GOLT1B: variants seen among roughly 807,000 people sequenced by gnomAD.
The protein encoded by GOLT1B is vesicle transport protein GOT1B.
Under a neutral mutation model 15.4 loss-of-function variants are expected in GOLT1B, and 3 were observed. That is an observed-to-expected ratio of 0.19 (90% CI 0.09 to 0.50). The LOEUF (loss-of-function observed/expected upper bound fraction) is 0.50. Ranked by LOEUF, GOLT1B falls within the 20% of genes least tolerant of loss-of-function variation. The probability of loss-of-function intolerance (pLI) is 0.97; values close to 1 mark genes in which losing one functional copy is unlikely to be tolerated. For synonymous variants in GOLT1B, 65 were observed against 56.2 expected, an observed-to-expected ratio of 1.16 and a Z score of -0.70; for missense variants, 145 against 160.4, an observed-to-expected ratio of 0.90 and a Z score of 0.52.
intron 4 of GOLT1B, 63 bp from the exon 5 acceptor site, chr12:21,515,606 T>C (rs1187600475): frequency 2.4e-6 from 2 of 824,408 alleles, no homozygotes; most frequent in East Asian, 2.5e-5. Context: ...ATTTTAAATA[T>C]TGATATAATG....
At chr12:21,502,004 G>A in intron 1 of GOLT1B, 56 bp downstream of exon 1, 1 of 1,312,448 alleles carries the variant, frequency 7.6e-7, no homozygotes, top group South Asian at 1.2e-5. Context: ...TCGCCCGGCT[G>A]GGTCTCGCCC....
Position 21,516,237 on chromosome 12 carries a change from TG to T in GOLT1B, c.*532del, listed in dbSNP as rs1298765094. 1 of 152,108 alleles carries T rather than the reference TG, an allele frequency of 6.6e-6. No homozygotes were observed. The highest frequency in any genetic ancestry group is 1.9e-4 in the East Asian group (1 of 5,198). 9.4% of individuals were successfully genotyped at this position (152,108 alleles called of 1,614,324 possible). A position where few individuals can be genotyped will look rare whatever the true frequency, so the allele number is the denominator to read the frequency against. ...TATGGATTACTTTTTTTTGTAAACA[TG>T]GTTAAAATAAAACTTTTGTGGTTCT... On this transcript the variant is annotated 3_prime_UTR_variant, in exon 5 of 5. Coordinates refer to ENST00000229314, the MANE Select transcript of GOLT1B (RefSeq NM_016072.5).
Position 21,508,554 on chromosome 12 carries a change from T to C in GOLT1B, c.289T>C (p.Leu97=). 1 of 1,530,714 alleles carries C rather than the reference T, an allele frequency of 6.5e-7. No homozygotes were observed. Among genetic ancestry groups the C allele is most frequent in the Non-Finnish European group, 9.0e-7 (1 of 1,106,554 alleles). 94.8% of individuals were successfully genotyped at this position (1,530,714 alleles called of 1,614,324 possible). The change falls in exon 3 of 5, where the codon TTG becomes CTG. Residue 97 remains leucine (L), a synonymous_variant. Coordinates refer to ENST00000229314, the MANE Select transcript of GOLT1B (RefSeq NM_016072.5). ...MIFEIYGFFL[L]FRGFFPVVVG... is the part of the protein sequence containing the mutation. Reference sequence around the variant, plus strand: ...CTTCGAAATTTATGGATTTTTTCTCTTGTTCAGGTAAGGCATATTATTGTC... The same window carrying C: ...CTTCGAAATTTATGGATTTTTTCTCCTGTTCAGGTAAGGCATATTATTGTC...
At chr12:21,507,972 C>T in intron 2 of GOLT1B, 1 of 454,588 alleles carries the variant, frequency 2.2e-6, no homozygotes, top group Non-Finnish European at 4.4e-6. Flanking sequence ...ATGAATATTT[C>T]AGAACCAAGA....
Position 21,516,943 on chromosome 12 carries a change from T to G in GOLT1B, c.*1236T>G, listed in dbSNP as rs994599356. On this transcript the variant is annotated 3_prime_UTR_variant, in exon 5 of 5. Coordinates refer to ENST00000229314, the MANE Select transcript of GOLT1B (RefSeq NM_016072.5). ...GTGTTTTTTTTCCACCGTTGCTGAT[T>G]ATTAGACAGTAGGAAATAGCTGTTT... The G allele has an allele frequency of 6.6e-6, 1 of 152,470 alleles. No individual in the cohort carries two copies. Among genetic ancestry groups the G allele is most frequent in the Non-Finnish European group, 1.5e-5 (1 of 67,902 alleles). The allele number at this position is 152,470 out of a possible 1,614,324, so 9.4% of individuals were successfully genotyped here. A position where few individuals can be genotyped will look rare whatever the true frequency, so the allele number is the denominator to read the frequency against.
intron 4 of GOLT1B, among the ~76,000 whole-genome samples, chr12:21,514,463 C>T (rs75021231): frequency 0.03 from 4,535 of 152,290 alleles, 119 homozygotes; most frequent in Middle Eastern, 0.041. Flanking sequence ...ACAGCCAAGA[C>T]AATCTAAATA....
rs1251469195 is a variant in GOLT1B, at chr12:21,501,968, C to T, written c.25+20C>T. The T allele has an allele frequency of 1.6e-5, 26 of 1,586,080 alleles. No individual in the cohort carries two copies. Among genetic ancestry groups the T allele is most frequent in the Non-Finnish European group, 2.0e-5 (23 of 1,154,998 alleles). ...CGCAGAGTAAGCACCTGCTCCGGGG[C>T]CCCCGCCTCGAGCCGCGCACACCCA... On this transcript the variant is annotated intron_variant, in intron 1 of 4. Coordinates refer to ENST00000229314, the MANE Select transcript of GOLT1B (RefSeq NM_016072.5).
chr12:21,512,275 C>T lies in GOLT1B; in HGVS notation c.297-20C>T. ...TAGAAAATGTGTAAATATTAAGAAC[C>T]TTTTTTTTCCCTCTCCCAGGGGCTT... On this transcript the variant is annotated intron_variant, in intron 3 of 4. Coordinates refer to ENST00000229314, the MANE Select transcript of GOLT1B (RefSeq NM_016072.5). 2.3e-6 allele frequency: 3 copies of T among 1,289,536 alleles called. No homozygotes were observed. The highest frequency in any genetic ancestry group is 1.5e-5 in the African/African-American group (1 of 67,606). 79.9% of individuals were successfully genotyped at this position (1,289,536 alleles called of 1,614,324 possible). A position where few individuals can be genotyped will look rare whatever the true frequency, so the allele number is the denominator to read the frequency against.
At chr12:21,508,656 C>G in intron 3 of GOLT1B, 95 bp downstream of exon 3, 1 of 683,784 alleles carries the variant, frequency 1.5e-6, no homozygotes, top group Non-Finnish European at 2.6e-6. Context: ...AGATGATGAT[C>G]ATTTCCTTAA....
At chr12:21,512,083 A>G (rs1411998835) in intron 3 of GOLT1B, among the ~76,000 whole-genome samples, 1 of 152,230 alleles carries the variant, frequency 6.6e-6, no homozygotes, top group Non-Finnish European at 1.5e-5. Context: ...GAGCTAACTC[A>G]TAATCTGAGT....
intron 4 of GOLT1B, 141 bp downstream of exon 4, chr12:21,512,517 T>C (rs1209834201): frequency 1.8e-6 from 1 of 564,610 alleles, no homozygotes; most frequent in East Asian, 2.8e-5. Context: ...ATGAGTACCA[T>C]GAAGACCAAA....
At chr12:21,513,485 T>G (rs1943734814) in intron 4 of GOLT1B, among the ~76,000 whole-genome samples, 1 of 151,920 alleles carries the variant, frequency 6.6e-6, no homozygotes, top group African/African-American at 2.4e-5. Context: ...ATCATAGCAT[T>G]TACCTCTGTT....
intron 4 of GOLT1B, chr12:21,515,140 C>T: frequency 1.6e-6 from 1 of 620,952 alleles, no homozygotes; most frequent in Non-Finnish European, 2.9e-6. Flanking sequence ...GTCATTACCA[C>T]TTTCAATCCA....
chr12:21,501,982 C>T, intron 1 of GOLT1B, 34 bp downstream of exon 1: 5 of 1,525,238 alleles, frequency 3.3e-6, no homozygotes, highest in Non-Finnish European at 3.6e-6. Context: ...CGCCTCGAGC[C>T]GCGCACACCC....
intron 1 of GOLT1B, among the ~76,000 whole-genome samples, chr12:21,505,396 T>C (rs1239390660): frequency 6.6e-6 from 1 of 152,214 alleles, no homozygotes; most frequent in Admixed American, 6.5e-5. Context: ...TATGAAATTA[T>C]GTCCACTATC....
rs1032020830 is a variant in GOLT1B at position 21,516,567 on chromosome 12, T to C, written c.*860T>C. Reference sequence around the variant, plus strand: ...ACTAAATGATGCAAACCAAATGGATTTTTTCCATGTCATGATGTAATTTTT... The same window carrying C: ...ACTAAATGATGCAAACCAAATGGATCTTTTCCATGTCATGATGTAATTTTT... On this transcript the variant is annotated 3_prime_UTR_variant, in exon 5 of 5. Coordinates refer to ENST00000229314, the MANE Select transcript of GOLT1B (RefSeq NM_016072.5). 6.6e-6 allele frequency: 1 copy of C among 152,200 alleles called. No individual in the cohort carries two copies. The highest frequency in any genetic ancestry group is 1.9e-4 in the East Asian group (1 of 5,192). 9.4% of individuals were successfully genotyped at this position (152,200 alleles called of 1,614,324 possible).
At chr12:21,505,618 C>G (rs1943673236) in intron 1 of GOLT1B, among the ~76,000 whole-genome samples, 1 of 152,072 alleles carries the variant, frequency 6.6e-6, no homozygotes, top group Non-Finnish European at 1.5e-5. Flanking sequence ...GTAGAAAAAG[C>G]TAAAGTTGAT....
At chr12:21,510,130 G>T (rs10770816) in intron 3 of GOLT1B, among the ~76,000 whole-genome samples, 147,035 of 152,210 alleles carry the variant, frequency 0.97, 71,242 homozygotes, top group Non-Finnish European at 1. Flanking sequence ...GTCAAGAGGC[G>T]GTTAATACAG....
In GOLT1B at chr12:21,515,903, A is replaced by G. The variant is rs1943752472; in HGVS notation, c.*196A>G. On this transcript the variant is annotated 3_prime_UTR_variant, in exon 5 of 5. Transcript: ENST00000229314. ...AACAGGCTTCTACTCAAGTGAACTA[A>G]GAAGAAGTCAGCAAGCAAACTGAGA... 1 of 452,556 alleles carries G rather than the reference A, an allele frequency of 2.2e-6. No homozygotes were observed. The allele number at this position is 452,556 out of a possible 1,614,324, so 28.0% of individuals were successfully genotyped here. A position where few individuals can be genotyped will look rare whatever the true frequency, so the allele number is the denominator to read the frequency against.
Sources: allele counts gnomAD v4.1 joint callset (sites outside exome capture counted in the v4.1 genomes callset), GRCh38; gene constraint gnomAD v4.1.1; transcripts MANE v1.5; gene names NCBI Gene and HGNC (gene_info 2026-07-23, HGNC 2026-07-21).